ATXN1: variants seen among roughly 807,000 people sequenced by gnomAD.
ATXN1 encodes ataxin 1, also known as ataxin-1.
ATXN1 carries 8 observed loss-of-function variants against 56.4 expected under a neutral mutation model. That is an observed-to-expected ratio of 0.14 (90% confidence interval 0.08 to 0.26). The LOEUF (loss-of-function observed/expected upper bound fraction) is 0.26, where lower values mean the gene tolerates loss of function less well. ATXN1 is among the 10% of genes least tolerant of loss of function. ATXN1 has a pLI of 1.00. For synonymous variants in ATXN1, 514 were observed against 494.6 expected, an observed-to-expected ratio of 1.04 and a Z score of -0.52; for missense variants, 987 against 1,106.5, an observed-to-expected ratio of 0.89 and a Z score of 1.53.
rs79633732 is a variant in ATXN1 at position 16,697,796 on chromosome 6, A to G, written c.-614-39895T>C. Reference sequence around the variant, plus strand: ...CCAAACATGGATTAAACAGCGTTACATAAGTCTCTTCACAGCACCTAAGTT... The same window carrying G: ...CCAAACATGGATTAAACAGCGTTACGTAAGTCTCTTCACAGCACCTAAGTT... On this transcript the variant is annotated intron_variant, in intron 2 of 7. Transcript: ENST00000436367. Among the ~76,000 whole-genome samples, 279 of 152,342 alleles carry G rather than the reference A, an allele frequency of 1.8e-3. 3 individuals are homozygous for G. Among genetic ancestry groups the G allele is most frequent in the Admixed American group, 0.015 (224 of 15,302 alleles).
chr6:16,456,130 T>C (rs1759866321), intron 6 of ATXN1, among the ~76,000 whole-genome samples: 1 of 152,140 alleles, frequency 6.6e-6, no homozygotes, highest in Non-Finnish European at 1.5e-5. Flanking sequence ...ACCTTGCTAC[T>C]GCTCACTCTT....
At chr6:16,698,090 A>T (rs1759205114) in intron 2 of ATXN1, among the ~76,000 whole-genome samples, 2 of 152,224 alleles carry the variant, frequency 1.3e-5, no homozygotes, top group Admixed American at 6.5e-5. Context: ...GCAGCAAGAG[A>T]TCATGCACAG....
chr6:16,435,286 T>C (rs568532383), intron 6 of ATXN1, among the ~76,000 whole-genome samples: 30 of 152,196 alleles, frequency 2.0e-4, no homozygotes, highest in South Asian at 8.3e-4. Context: ...AGGTCTGGCC[T>C]AGAAACATGG....
intron 7 of ATXN1, among the ~76,000 whole-genome samples, chr6:16,320,321 C>T (rs1760618987): frequency 6.6e-6 from 1 of 152,136 alleles, no homozygotes; most frequent in Non-Finnish European, 1.5e-5. Flanking sequence ...CAGGCACACT[C>T]ACACCCACGC....
chr6:16,324,454 G>GAA (rs5874552), intron 7 of ATXN1, among the ~76,000 whole-genome samples: 1 of 144,626 alleles, frequency 6.9e-6, no homozygotes, highest in African/African-American at 2.5e-5. Flanking sequence ...TCTCAAAAAT[G>GAA]AAAAAAAAAA....
intron 3 of ATXN1, among the ~76,000 whole-genome samples, chr6:16,612,006 C>A (rs1763117266): frequency 6.6e-6 from 1 of 151,526 alleles, no homozygotes; most frequent in Admixed American, 6.6e-5. Flanking sequence ...ACTACAGGTG[C>A]CCGCCACCAC....
At chr6:16,408,504 G>C (rs1223373869) in intron 6 of ATXN1, among the ~76,000 whole-genome samples, 2 of 145,450 alleles carry the variant, frequency 1.4e-5, no homozygotes, top group Non-Finnish European at 3.0e-5. Context: ...TGAGGAACAT[G>C]ATGAGGATGG....
In ATXN1 at chr6:16,664,257, A is replaced by G. The variant is rs183025930; in HGVS notation, c.-614-6356T>C. Among the ~76,000 whole-genome samples, 467 of 152,366 alleles carry G rather than the reference A, an allele frequency of 3.1e-3. 3 individuals are homozygous for G. Among genetic ancestry groups the G allele is most frequent in the Non-Finnish European group, 3.3e-3 (226 of 68,024 alleles). ...AGAAACAGCTTCAAAGAGTATAAGC[A>G]AAATGGCATAATACAATGAATGAAG... On this transcript the variant is annotated intron_variant, in intron 2 of 7. Transcript: ENST00000436367.
chr6:16,565,350 A>G (rs557222006), intron 4 of ATXN1, among the ~76,000 whole-genome samples: 1 of 152,342 alleles, frequency 6.6e-6, no homozygotes, highest in African/African-American at 2.4e-5. Flanking sequence ...AACTGCAAAA[A>G]GAGATTACTG....
At chr6:16,628,995 A>T (rs572480409) in intron 3 of ATXN1, among the ~76,000 whole-genome samples, 8 of 152,166 alleles carry the variant, frequency 5.3e-5, no homozygotes, top group Non-Finnish European at 7.3e-5. Context: ...CAGTAATGGG[A>T]TTGCTGGGTC....
rs551028415 is a variant in ATXN1 at position 16,657,834 on chromosome 6, T to C, written c.-547A>G. Reference sequence around the variant, plus strand: ...AGGCTGAAATCCACTCTTTCTCTCTTGTTCCTGGTCTGCAGCAGCACTAAG... The same window carrying C: ...AGGCTGAAATCCACTCTTTCTCTCTCGTTCCTGGTCTGCAGCAGCACTAAG... On this transcript the variant is annotated 5_prime_UTR_variant, in exon 3 of 8. Transcript: ENST00000436367. 1.3e-5 allele frequency: 2 copies of C among 152,348 alleles called. No individual in the cohort carries two copies. The highest frequency in any genetic ancestry group is 2.1e-4 in the South Asian group (1 of 4,826). The allele number at this position is 152,348 out of a possible 1,614,324, so 9.4% of individuals were successfully genotyped here. A position where few individuals can be genotyped will look rare whatever the true frequency, so the allele number is the denominator to read the frequency against.
At chr6:16,617,777 A>AAAAG (rs1424421375) in intron 3 of ATXN1, among the ~76,000 whole-genome samples, 1 of 151,484 alleles carries the variant, frequency 6.6e-6, no homozygotes, top group African/African-American at 2.4e-5. Flanking sequence ...AAAAAAAAAA[A>AAAAG]AAAAAGAAAT....
intron 3 of ATXN1, among the ~76,000 whole-genome samples, chr6:16,626,217 A>G (rs1763403812): frequency 1.3e-5 from 2 of 152,256 alleles, no homozygotes; most frequent in Admixed American, 1.3e-4. Context: ...ACATCTGAAA[A>G]GGCTATTAAA....
In ATXN1 at chr6:16,425,865, T is replaced by C. The variant is rs140421628; in HGVS notation, c.-161+60107A>G. On this transcript the variant is annotated intron_variant, in intron 6 of 7. Coordinates refer to ENST00000436367, the MANE Select transcript of ATXN1 (RefSeq NM_001128164.2). The stretch of plus-strand genomic sequence containing the variant: ...TCAGTGTTCCACATCCCGTAGCAGA[T>C]GACCCTCTGTTCCAGAACAAACAAA... Among the ~76,000 whole-genome samples the C allele has an allele frequency of 1.8e-3, 281 of 152,300 alleles. 1 individual carries two copies. The highest frequency in any genetic ancestry group is 6.8e-3 in the Middle Eastern group (2 of 294).
chr6:16,545,016 T>C (rs927573868), intron 4 of ATXN1, among the ~76,000 whole-genome samples: 1 of 152,164 alleles, frequency 6.6e-6, no homozygotes, highest in African/African-American at 2.4e-5. Flanking sequence ...GGTCCAGGTA[T>C]GTAGAGACAA....
chr6:16,338,658 C>T (rs866999049), intron 6 of ATXN1, among the ~76,000 whole-genome samples: 5 of 152,118 alleles, frequency 3.3e-5, no homozygotes, highest in South Asian at 4.1e-4. Context: ...TGGTCGCCAT[C>T]GTAGTTATAA....
intron 6 of ATXN1, among the ~76,000 whole-genome samples, chr6:16,375,138 C>T (rs771870289): frequency 6.6e-5 from 10 of 152,308 alleles, no homozygotes; most frequent in Non-Finnish European, 1.2e-4. Context: ...GCAAAGACAG[C>T]CTGGACGTGT....
chr6:16,746,996 G>C (rs1456451743), intron 2 of ATXN1, among the ~76,000 whole-genome samples: 1 of 151,982 alleles, frequency 6.6e-6, no homozygotes, highest in African/African-American at 2.4e-5. Context: ...TCCTGTTGCA[G>C]GGCAGGCAAC....
At chr6:16,494,305 A>C (rs770319305) in intron 5 of ATXN1, among the ~76,000 whole-genome samples, 2 of 152,200 alleles carry the variant, frequency 1.3e-5, no homozygotes, top group Non-Finnish European at 2.9e-5. Context: ...CATTTATGGG[A>C]GTTATCCATT....
Sources: gnomAD v4.1 joint callset for allele counts (sites outside exome capture counted in the v4.1 genomes callset) on GRCh38, gnomAD v4.1.1 for gene constraint, MANE v1.5 for transcripts, NCBI Gene and HGNC (gene_info 2026-07-23, HGNC 2026-07-21) for gene names.